ABI3BP: variants seen among roughly 807,000 people sequenced by gnomAD.
ABI3BP encodes the protein target of Nesh-SH3.
A neutral mutation model predicts 268.6 loss-of-function variants in ABI3BP; 216 were observed. That is an observed-to-expected ratio of 0.80 (90% confidence interval 0.72 to 0.90). The LOEUF (loss-of-function observed/expected upper bound fraction) is 0.90. Ranked by LOEUF, ABI3BP falls within the 40% of genes least tolerant of loss-of-function variation. ABI3BP has a pLI of 0.00. For synonymous variants in ABI3BP, 730 were observed against 730.0 expected (o/e 1.00, Z 0.00); for missense variants, 2,090 against 2,182.4 (o/e 0.96, Z 0.84).
At chr3:100,858,387 C>T (rs562698849) in intron 14 of ABI3BP, among the ~76,000 whole-genome samples, 2 of 152,290 alleles carry the variant, frequency 1.3e-5, no homozygotes, top group South Asian at 4.1e-4. Context: ...TTGATGACTA[C>T]ACATCTCAGA....
At chr3:100,943,174 C>G (rs1336021377) in intron 1 of ABI3BP, among the ~76,000 whole-genome samples, 1 of 151,952 alleles carries the variant, frequency 6.6e-6, no homozygotes, top group Admixed American at 6.6e-5. Flanking sequence ...TTTAAACATA[C>G]AAAAACTTGA....
intron 57 of ABI3BP, among the ~76,000 whole-genome samples, chr3:100,786,378 G>A (rs369027573): frequency 2.0e-5 from 3 of 152,058 alleles, no homozygotes; most frequent in Non-Finnish European, 4.4e-5. Flanking sequence ...TATATAAGAA[G>A]GTAATAGATA....
intron 2 of ABI3BP, among the ~76,000 whole-genome samples, chr3:100,906,121 C>T (rs2053322713): frequency 6.6e-6 from 1 of 152,148 alleles, no homozygotes; most frequent in South Asian, 2.1e-4. Flanking sequence ...TTAGAGTTAA[C>T]CTTTTAGATT....
intron 20 of ABI3BP, among the ~76,000 whole-genome samples, chr3:100,843,302 T>A (rs2098728266): frequency 6.6e-6 from 1 of 152,176 alleles, no homozygotes; most frequent in African/African-American, 2.4e-5. Flanking sequence ...CGAATTCTGA[T>A]TTCTCAAGAA....
chr3:100,982,959 C>T (rs1432486605), intron 1 of ABI3BP, among the ~76,000 whole-genome samples: 8 of 152,174 alleles, frequency 5.3e-5, no homozygotes, highest in Admixed American at 5.2e-4. Context: ...GCAGACACTC[C>T]AAGCCCCTCC....
chr3:100,749,780 A>C lies in ABI3BP; in HGVS notation c.*715T>G, dbSNP rs891065698. On this transcript the variant is annotated 3_prime_UTR_variant, in exon 68 of 68. Coordinates refer to ENST00000471714, the MANE Select transcript of ABI3BP (RefSeq NM_001375547.2). The stretch of plus-strand genomic sequence containing the variant: ...GGATAGTTTGACAAAGCATATTCAG[A>C]TATTGTAACATTTATGGTGGGTAAA... The C allele has an allele frequency of 2.5e-6, 1 of 398,130 alleles. No homozygotes were observed. Among genetic ancestry groups the C allele is most frequent in the Non-Finnish European group, 4.4e-6 (1 of 225,656 alleles). The allele number at this position is 398,130 out of a possible 1,614,324, so 24.7% of individuals were successfully genotyped here. A position where few individuals can be genotyped will look rare whatever the true frequency, so the allele number is the denominator to read the frequency against.
intron 20 of ABI3BP, among the ~76,000 whole-genome samples, chr3:100,842,584 C>T (rs990122865): frequency 2.0e-5 from 3 of 152,188 alleles, no homozygotes; most frequent in African/African-American, 7.2e-5. Context: ...CAAATTGGTT[C>T]ACATATGAAA....
At chr3:100,940,829 T>TATATATATATATATAGAG (rs1244113888) in intron 1 of ABI3BP, among the ~76,000 whole-genome samples, 3 of 41,232 alleles carry the variant, frequency 7.3e-5, no homozygotes, top group Admixed American at 8.3e-4. Context: ...TATATATATA[T>TATATATATATATATAGAG]ATGATATGAT....
chr3:100,754,305 G>C (rs985112757), intron 64 of ABI3BP, among the ~76,000 whole-genome samples: 1 of 152,176 alleles, frequency 6.6e-6, no homozygotes, highest in Non-Finnish European at 1.5e-5. Context: ...AACTATCATG[G>C]GTTCCCTTTG....
intron 4 of ABI3BP, among the ~76,000 whole-genome samples, chr3:100,892,492 G>T (rs1344764600): frequency 6.6e-6 from 1 of 152,176 alleles, no homozygotes; most frequent in African/African-American, 2.4e-5. Flanking sequence ...TGAGTGTGAG[G>T]TGCCAATCAC....
At chr3:100,814,743 A>C (rs1032283430) in intron 44 of ABI3BP, among the ~76,000 whole-genome samples, 1 of 152,146 alleles carries the variant, frequency 6.6e-6, no homozygotes, top group African/African-American at 2.4e-5. Flanking sequence ...GAATGAGGAA[A>C]TGATTGTCTT....
At chr3:100,811,298 A>C in intron 47 of ABI3BP, 21 bp from the exon 48 acceptor site, 1 of 1,516,318 alleles carries the variant, frequency 6.6e-7, no homozygotes, top group Non-Finnish European at 8.8e-7. Flanking sequence ...ACAAAGGAGA[A>C]AAATTTTAGA....
At position 100,900,963 on chromosome 3, in the gene ABI3BP, GATC is replaced by G. The variant is rs2050025197; in HGVS notation, c.328+1652_328+1654del. On this transcript the variant is annotated intron_variant, in intron 3 of 67. Transcript: ENST00000471714. The stretch of plus-strand genomic sequence containing the variant: ...ACATAATTTTGTATATTTGTACTAT[GATC>G]ATATTTCTATCAAGAAACAGTTCAA... Among the ~76,000 whole-genome samples the G allele has an allele frequency of 2.6e-5, 4 of 152,120 alleles. No individual in the cohort carries two copies. In the South Asian group the frequency reaches 8.3e-4, roughly 32 times the overall value.
chr3:100,795,824 T>G lies in ABI3BP; in HGVS notation c.3845A>C (p.Glu1282Ala), dbSNP rs779529461. Residue 1282 changes from glutamate to alanine, a missense_variant, in exon 53 of 68, where the codon GAG (glutamate) becomes GCG (alanine). By Grantham distance (107) the Glu-to-Ala change is moderately radical (BLOSUM62 -1). Coordinates refer to ENST00000471714, the MANE Select transcript of ABI3BP (RefSeq NM_001375547.2). Reference sequence around the variant, plus strand: ...ATTACCTATTGTTGTCTTTGGTGGCTCAAATCTAAAGGTAACAGGCTGCAG... The same window carrying G: ...ATTACCTATTGTTGTCTTTGGTGGCGCAAATCTAAAGGTAACAGGCTGCAG... ...PVLQPVTFRF[E>A]PPKTTIAPLE... The G allele has an allele frequency of 1.5e-4, 190 of 1,287,898 alleles. No individual in the cohort carries two copies. The highest frequency in any genetic ancestry group is 1.8e-4 in the Non-Finnish European group (177 of 988,294). 79.8% of individuals were successfully genotyped at this position (1,287,898 alleles called of 1,614,324 possible).
intron 1 of ABI3BP, among the ~76,000 whole-genome samples, chr3:100,955,510 A>G (rs1477716644): frequency 6.6e-6 from 1 of 152,134 alleles, no homozygotes; most frequent in Non-Finnish European, 1.5e-5. Context: ...TCTTTTCTTC[A>G]TAAGATTTTA....
At chr3:100,973,419 G>A (rs1562204137) in intron 1 of ABI3BP, among the ~76,000 whole-genome samples, 1 of 152,186 alleles carries the variant, frequency 6.6e-6, no homozygotes, top group South Asian at 2.1e-4. Flanking sequence ...TGCAAATAAT[G>A]AGAATCGACT....
chr3:100,838,677 G>A (rs2098644356), intron 24 of ABI3BP, among the ~76,000 whole-genome samples: 1 of 152,158 alleles, frequency 6.6e-6, no homozygotes, highest in South Asian at 2.1e-4. Flanking sequence ...TGCTCAAAAT[G>A]TGTTTTTGAG....
chr3:100,896,621 C>T (rs1348735760), intron 4 of ABI3BP, among the ~76,000 whole-genome samples: 1 of 152,144 alleles, frequency 6.6e-6, no homozygotes, highest in Non-Finnish European at 1.5e-5. Context: ...TCCTTCCTCT[C>T]TTCTCCCTTT....
intron 1 of ABI3BP, among the ~76,000 whole-genome samples, chr3:100,947,284 A>T (rs1285406438): frequency 1.3e-5 from 2 of 152,166 alleles, no homozygotes; most frequent in East Asian, 3.9e-4. Context: ...ATTGCCTACT[A>T]GGCTGACATT....
Sources: allele counts gnomAD v4.1 joint callset (sites outside exome capture counted in the v4.1 genomes callset), GRCh38; gene constraint gnomAD v4.1.1; transcripts MANE v1.5; gene names NCBI Gene and HGNC (gene_info 2026-07-23, HGNC 2026-07-21).